Variants in SPARCL1 observed in about 807,000 individuals in gnomAD.
SPARCL1 encodes the protein SPARC like 1, also known as SPARC-like protein 1.
Under a neutral mutation model 67.1 loss-of-function variants are expected in SPARCL1, and 52 were observed. The ratio of observed to expected loss-of-function variants is 0.78; its 90% CI spans 0.62 to 0.98. The LOEUF is 0.98. Among genes scored for constraint, SPARCL1 ranks in the 50% least tolerant of loss-of-function variants. The pLI is 0.00. For missense variants in SPARCL1, 717 were observed against 782.4 expected (o/e 0.92, Z 1.00); for synonymous variants, 226 against 267.8 (o/e 0.84, Z 1.52).
At chr4:87,516,378 T>C (rs1035056946) in intron 1 of SPARCL1, among the ~76,000 whole-genome samples, 1 of 150,508 alleles carries the variant, frequency 6.6e-6, no homozygotes, top group Non-Finnish European at 1.5e-5. Flanking sequence ...AATATTTTTG[T>C]GTGGAATAGC....
chr4:87,506,787 ATC>A (rs1725097840), intron 1 of SPARCL1, among the ~76,000 whole-genome samples: 1 of 34,390 alleles, frequency 2.9e-5, no homozygotes, highest in Non-Finnish European at 7.3e-5. Context: ...TCTATCATCT[ATC>A]TATCTATCTA....
At chr4:87,509,010 A>G (rs1725236401) in intron 1 of SPARCL1, among the ~76,000 whole-genome samples, 1 of 148,118 alleles carries the variant, frequency 6.8e-6, no homozygotes, top group Non-Finnish European at 1.5e-5. Flanking sequence ...TATAATCTAT[A>G]TACTTATATA....
intron 1 of SPARCL1, among the ~76,000 whole-genome samples, chr4:87,522,600 T>C (rs1725862396): frequency 6.8e-6 from 1 of 147,928 alleles, no homozygotes; most frequent in East Asian, 2.0e-4. Context: ...GCTGTCAGAA[T>C]TCTCTCTCCA....
chr4:87,527,664 A>G (rs1231593914), intron 1 of SPARCL1, among the ~76,000 whole-genome samples: 1 of 152,178 alleles, frequency 6.6e-6, no homozygotes, highest in African/African-American at 2.4e-5. Flanking sequence ...CCAGCACTCT[A>G]ATTGCTCAAT....
chr4:87,509,001 A>G (rs11097160), intron 1 of SPARCL1, among the ~76,000 whole-genome samples: 63,580 of 147,168 alleles, frequency 0.43, 14,338 homozygotes, highest in East Asian at 0.75. Context: ...GTGTACATAT[A>G]TAATCTATAT....
chr4:87,482,136 C>T (rs1723846722), intron 8 of SPARCL1, among the ~76,000 whole-genome samples: 1 of 152,168 alleles, frequency 6.6e-6, no homozygotes, highest in African/African-American at 2.4e-5. Flanking sequence ...TAGATCAATG[C>T]TAAATTTATA....
chr4:87,525,263 T>A (rs1213421987), intron 1 of SPARCL1, among the ~76,000 whole-genome samples: 1 of 152,138 alleles, frequency 6.6e-6, no homozygotes. Flanking sequence ...ACCTTTACCA[T>A]GGGTTAGATA....
At chr4:87,496,746 C>T (rs1380662932) in intron 2 of SPARCL1, among the ~76,000 whole-genome samples, 2 of 152,214 alleles carry the variant, frequency 1.3e-5, no homozygotes. Flanking sequence ...ATACTCTGGA[C>T]ACTCAGATGG....
At chr4:87,484,516 T>A (rs1410056255) in intron 7 of SPARCL1, among the ~76,000 whole-genome samples, 5 of 152,238 alleles carry the variant, frequency 3.3e-5, no homozygotes, top group South Asian at 2.1e-4. Context: ...TTAGTTAGCG[T>A]GATGCCTCCA....
intron 1 of SPARCL1, among the ~76,000 whole-genome samples, chr4:87,507,758 T>A (rs1725158704): frequency 6.6e-6 from 1 of 152,286 alleles, no homozygotes; most frequent in East Asian, 1.9e-4. Context: ...TCACAAGACA[T>A]CTTCCCTTTC....
intron 10 of SPARCL1, among the ~76,000 whole-genome samples, chr4:87,476,264 C>T (rs919862872): frequency 1.3e-5 from 2 of 152,156 alleles, no homozygotes; most frequent in African/African-American, 2.4e-5. Flanking sequence ...TGTCTGCTCT[C>T]GGCTCCCACA....
intron 7 of SPARCL1, among the ~76,000 whole-genome samples, chr4:87,482,853 G>A (rs1256807993): frequency 6.6e-6 from 1 of 152,204 alleles, no homozygotes; most frequent in African/African-American, 2.4e-5. Context: ...GTGCAGCTAG[G>A]CCCCAGAATC....
Position 87,480,362 on chromosome 4 carries a change from G to A in SPARCL1, c.1817+10C>T, listed in dbSNP as rs779200052. 1.3e-6 allele frequency: 2 copies of A among 1,553,498 alleles called. No individual in the cohort carries two copies. The highest frequency in any genetic ancestry group is 8.7e-7 in the Non-Finnish European group (1 of 1,152,166). ...ATAAATCTAGAAATGGAAAGGTAAA[G>A]AGTTCTTACCTATCCATAGGGTGTT... is the stretch of plus-strand genomic sequence containing the variant. On this transcript the variant is annotated intron_variant, in intron 9 of 10. Coordinates refer to ENST00000282470, the MANE Select transcript of SPARCL1 (RefSeq NM_004684.6).
In SPARCL1 at chr4:87,473,715, T is replaced by C; in HGVS notation, c.*60A>G. The C allele has an allele frequency of 8.0e-7, 1 of 1,247,028 alleles. No individual in the cohort carries two copies. The highest frequency in any genetic ancestry group is 1.1e-6 in the Non-Finnish European group (1 of 874,372). The allele number at this position is 1,247,028 out of a possible 1,614,324, so 77.2% of individuals were successfully genotyped here. On this transcript the variant is annotated 3_prime_UTR_variant, in exon 11 of 11. Transcript: ENST00000282470. Reference sequence around the variant, plus strand: ...TCTACAAGTATCACAGCTGCATATATTTCTGAAGTGGTTAGAACAGAGGAG... The same window carrying C: ...TCTACAAGTATCACAGCTGCATATACTTCTGAAGTGGTTAGAACAGAGGAG...
At chr4:87,513,010 G>C (rs570190941) in intron 1 of SPARCL1, among the ~76,000 whole-genome samples, 2 of 152,182 alleles carry the variant, frequency 1.3e-5, no homozygotes, top group Non-Finnish European at 2.9e-5. Context: ...CATATTTACT[G>C]GTCTACTATT....
intron 1 of SPARCL1, among the ~76,000 whole-genome samples, chr4:87,522,469 G>T (rs1385796094): frequency 6.6e-6 from 1 of 151,802 alleles, no homozygotes; most frequent in African/African-American, 2.4e-5. Flanking sequence ...TCAGGGAAGG[G>T]AGTATTATGG....
At chr4:87,485,789 C>T (rs1724031579) in intron 7 of SPARCL1, among the ~76,000 whole-genome samples, 1 of 151,996 alleles carries the variant, frequency 6.6e-6, no homozygotes, top group African/African-American at 2.4e-5. Flanking sequence ...CTGATTTAGT[C>T]TTGGGAGGGT....
At chr4:87,497,575 A>G (rs865796264) in intron 2 of SPARCL1, among the ~76,000 whole-genome samples, 2 of 152,220 alleles carry the variant, frequency 1.3e-5, no homozygotes, top group Non-Finnish European at 2.9e-5. Context: ...CACAGAATCC[A>G]TTTTCATCTG....
chr4:87,514,806 G>C (rs1725515905), intron 1 of SPARCL1, among the ~76,000 whole-genome samples: 1 of 152,176 alleles, frequency 6.6e-6, no homozygotes, highest in African/African-American at 2.4e-5. Context: ...ACTTTCCTGG[G>C]AAATGAGAGA....
Sources: allele counts gnomAD v4.1 joint callset (sites outside exome capture counted in the v4.1 genomes callset), GRCh38; gene constraint gnomAD v4.1.1; transcripts MANE v1.5; gene names NCBI Gene and HGNC (gene_info 2026-07-23, HGNC 2026-07-21).